The following CASZ1 variants were observed in gnomAD, a reference collection of about 807,000 sequenced individuals.
The protein encoded by CASZ1 is zinc finger protein castor homolog 1.
A neutral mutation model predicts 135.2 loss-of-function variants in CASZ1; 28 were observed. The observed-to-expected ratio is 0.21, with a 90% CI of 0.15 to 0.28. The LOEUF (loss-of-function observed/expected upper bound fraction) is 0.28. Among genes scored for constraint, CASZ1 ranks in the 10% least tolerant of loss-of-function variants. The pLI, the probability that CASZ1 is intolerant of heterozygous loss-of-function variation, is 1.00. For synonymous variants in CASZ1, 1,068 were observed against 1,073.4 expected, an observed-to-expected ratio of 0.99 and a Z score of 0.10; for missense variants, 2,161 against 2,453.3, an observed-to-expected ratio of 0.88 and a Z score of 2.52.
intron 2 of CASZ1, among the ~76,000 whole-genome samples, chr1:10,754,821 C>T (rs573512310): frequency 1.3e-5 from 2 of 152,334 alleles, no homozygotes; most frequent in South Asian, 4.1e-4. Context: ...AATATTGAGT[C>T]ACAACGGCCC....
In CASZ1 at chr1:10,696,925, G is replaced by A. The variant is rs142214030; in HGVS notation, c.-23-3013C>T. ...CCACCCAGTAACTCGGGGGGTCTCA[G>A]GCAGACAAAGGCTACAGAGGAATGG... On this transcript the variant is annotated intron_variant, in intron 3 of 20. Transcript: ENST00000377022. 6.0e-3 allele frequency among the ~76,000 whole-genome samples: 915 copies of A among 152,320 alleles called. 3 individuals are homozygous for A. The highest frequency in any genetic ancestry group is 8.9e-3 in the Non-Finnish European group (605 of 68,028).
At position 10,707,946 on chromosome 1, in the gene CASZ1, G is replaced by A. The variant is rs1022001193; in HGVS notation, c.-76-2402C>T. ...ACACTCAGCGGGGCTGAAGTGAAGT[G>A]AACTCTTCCAGGCTAAGAAAGAAAA... is the stretch of plus-strand genomic sequence containing the variant. On this transcript the variant is annotated intron_variant, in intron 2 of 20. Coordinates refer to ENST00000377022, the MANE Select transcript of CASZ1 (RefSeq NM_001079843.3). The surrounding 1 kb of genome is among the most constrained non-coding windows in gnomAD (Gnocchi z 5.0). Among the ~76,000 whole-genome samples the A allele has an allele frequency of 2.6e-5, 4 of 152,156 alleles. No homozygotes were observed. Among genetic ancestry groups the A allele is most frequent in the Non-Finnish European group, 5.9e-5 (4 of 68,024 alleles).
At chr1:10,744,181 C>T (rs1639993084) in intron 2 of CASZ1, among the ~76,000 whole-genome samples, 1 of 151,082 alleles carries the variant, frequency 6.6e-6, no homozygotes, top group East Asian at 2.0e-4. Context: ...GCTGCTGTGG[C>T]TTTTAGGACA....
At chr1:10,715,687 CAGCACCCAATCCACACCCCAG>C (rs1639370107) in intron 2 of CASZ1, among the ~76,000 whole-genome samples, 9 of 138,194 alleles carry the variant, frequency 6.5e-5, no homozygotes, top group Non-Finnish European at 1.1e-4. Context: ...CCGCTCCCTG[CAGCACCCAATCCACACCCCAG>C]AGCACCCAAT....
Position 10,657,600 on chromosome 1 carries a change from G to A in CASZ1, c.1410-864C>T, listed in dbSNP as rs1044756652. Among the ~76,000 whole-genome samples, 4 of 152,150 alleles carry A rather than the reference G, an allele frequency of 2.6e-5. No homozygotes were observed. Among genetic ancestry groups the A allele is most frequent in the Admixed American group, 6.5e-5 (1 of 15,284 alleles). On this transcript the variant is annotated intron_variant, in intron 7 of 20. Coordinates refer to ENST00000377022, the MANE Select transcript of CASZ1 (RefSeq NM_001079843.3). The surrounding 1 kb of genome is among the most constrained non-coding windows in gnomAD (Gnocchi z 5.7). The stretch of plus-strand genomic sequence containing the variant: ...AATACCACAGAGGAGACAGCACGGG[G>A]CAGAGCTGAAGACAGAGTGGGACAG...
intron 1 of CASZ1, among the ~76,000 whole-genome samples, chr1:10,781,390 A>G (rs1016079177): frequency 1.3e-5 from 2 of 152,204 alleles, no homozygotes; most frequent in South Asian, 4.1e-4. Flanking sequence ...CCCGTCTGCG[A>G]GGAGAAGCCA....
chr1:10,659,998 G>A lies in CASZ1; in HGVS notation c.1044C>T (p.His348=). The change falls in exon 6 of 21, where the codon CAC becomes CAT. Residue 348 remains histidine, a synonymous_variant. Coordinates refer to ENST00000377022, the MANE Select transcript of CASZ1 (RefSeq NM_001079843.3). ...KYDLENVKYL[H]LFKPGEGSPD... ...GGCTGCCCTCCCCGGGTTTGAAGAG[G>A]TGCAGGTACTTGACATTCTCCAGGT... 1 of 1,614,008 alleles carries A rather than the reference G, an allele frequency of 6.2e-7. No individual in the cohort carries two copies. The highest frequency in any genetic ancestry group is 8.5e-7 in the Non-Finnish European group (1 of 1,180,010).
rs954182192 is a variant in CASZ1 at position 10,757,180 on chromosome 1, G to A, written c.-77+3521C>T. Among the ~76,000 whole-genome samples, 55 of 152,164 alleles carry A rather than the reference G, an allele frequency of 3.6e-4. No individual in the cohort carries two copies. The highest frequency in any genetic ancestry group is 1.2e-3 in the African/African-American group (51 of 41,432). On this transcript the variant is annotated intron_variant, in intron 2 of 20. Transcript: ENST00000377022. The surrounding 1 kb of genome is among the most constrained non-coding windows in gnomAD (Gnocchi z 4.6). Reference sequence around the variant, plus strand: ...GCACTTCTCCCCTAATGCATGAGACGTTAACCCTCTCAAAGCCATGGGTCT... The same window carrying A: ...GCACTTCTCCCCTAATGCATGAGACATTAACCCTCTCAAAGCCATGGGTCT...
Position 10,792,219 on chromosome 1 carries a change from G to GTT in CASZ1, c.-234+4343_-234+4344dup, listed in dbSNP as rs34902302. Reference sequence around the variant, plus strand: ...ATTTCCTATAGCAGGGGTGGAGTCAGTTTTTTTTTTTTTTAAGTGTGCTCT... The same window carrying GTT: ...ATTTCCTATAGCAGGGGTGGAGTCAGTTTTTTTTTTTTTTTTAAGTGTGCTCT... On this transcript the variant is annotated intron_variant, in intron 1 of 20. Transcript: ENST00000377022. Among the ~76,000 whole-genome samples the GTT allele has an allele frequency of 5.5e-4, 69 of 126,136 alleles. 1 individual carries two copies. Among genetic ancestry groups the GTT allele is most frequent in the African/African-American group, 1.1e-3 (37 of 33,862 alleles). 82.8% of individuals were successfully genotyped at this position (126,136 alleles called of 152,430 possible). A position where few individuals can be genotyped will look rare whatever the true frequency, so the allele number is the denominator to read the frequency against.
Position 10,722,417 on chromosome 1 carries a change from G to A in CASZ1, c.-76-16873C>T, listed in dbSNP as rs542190251. On this transcript the variant is annotated intron_variant, in intron 2 of 20. Transcript: ENST00000377022. Reference sequence around the variant, plus strand: ...CCTAAAGCAGCCTTCCGTCCCACACGGGCCAGCGAACAAGGGGAGCCTACA... The same window carrying A: ...CCTAAAGCAGCCTTCCGTCCCACACAGGCCAGCGAACAAGGGGAGCCTACA... Among the ~76,000 whole-genome samples the A allele has an allele frequency of 1.3e-4, 20 of 152,364 alleles. No individual in the cohort carries two copies. The South Asian group carries it at 3.7e-3, about 28-fold the overall frequency.
chr1:10,650,214 A>G (rs1233005631), intron 13 of CASZ1: 1 of 152,276 alleles, frequency 6.6e-6, no homozygotes, highest in Non-Finnish European at 1.5e-5. Flanking sequence ...GAGATGATGT[A>G]TAATTTACAA....
chr1:10,742,773 C>T (rs1317577777), intron 2 of CASZ1, among the ~76,000 whole-genome samples: 1 of 152,094 alleles, frequency 6.6e-6, no homozygotes, highest in Non-Finnish European at 1.5e-5. Flanking sequence ...CACTTGAGGT[C>T]AGGAGTTCAA....
intron 4 of CASZ1, among the ~76,000 whole-genome samples, chr1:10,675,102 G>A (rs1200169935): frequency 1.3e-5 from 2 of 152,058 alleles, no homozygotes; most frequent in Non-Finnish European, 2.9e-5. Context: ...TATTACACCC[G>A]AGTCACTCCC....
rs1293995178 is a variant in CASZ1 at position 10,637,498 on chromosome 1, G to C, written c.*1444C>G. On this transcript the variant is annotated 3_prime_UTR_variant, in exon 21 of 21. Transcript: ENST00000377022. Reference sequence around the variant, plus strand: ...GTTCCTCCTGGAGACCTCTGGGGAGGAGGCTTCTGGATGACAGCCTCCCCG... The same window carrying C: ...GTTCCTCCTGGAGACCTCTGGGGAGCAGGCTTCTGGATGACAGCCTCCCCG... The C allele has an allele frequency of 2.6e-5, 4 of 152,342 alleles. No individual in the cohort carries two copies. Among genetic ancestry groups the C allele is most frequent in the African/African-American group, 9.7e-5 (4 of 41,446 alleles). 9.4% of individuals were successfully genotyped at this position (152,342 alleles called of 1,614,324 possible).
In CASZ1 at chr1:10,694,435, C is replaced by T. The variant is rs2100413032; in HGVS notation, c.-23-523G>A. 2.3e-6 allele frequency: 1 copy of T among 434,850 alleles called. No homozygotes were observed. The highest frequency in any genetic ancestry group is 1.5e-4 in the East Asian group (1 of 6,826). The allele number at this position is 434,850 out of a possible 1,614,324, so 26.9% of individuals were successfully genotyped here. On this transcript the variant is annotated intron_variant, in intron 3 of 20. Transcript: ENST00000377022. The surrounding 1 kb of genome is among the most constrained non-coding windows in gnomAD (Gnocchi z 6.6). ...GATGTCATTGCTCCTGCCGGTAACA[C>T]TCAGGGTAACAGTTTGGCAGGAGGG...
rs35951654 is a variant in CASZ1 at position 10,731,104 on chromosome 1, T to TA, written c.-76-25561dup. 7.0e-3 allele frequency among the ~76,000 whole-genome samples: 1,042 copies of TA among 149,278 alleles called. 10 individuals are homozygous for TA. The highest frequency in any genetic ancestry group is 0.021 in the African/African-American group (859 of 40,620). On this transcript the variant is annotated intron_variant, in intron 2 of 20. Transcript: ENST00000377022. ...TTGGGCGACAGAGCTAGACTCCGTC[T>TA]AAAAAAAAAAATCATATAATGAAAT...
intron 5 of CASZ1, among the ~76,000 whole-genome samples, chr1:10,662,389 ACACC>A (rs1643073254): frequency 6.6e-6 from 1 of 151,866 alleles, no homozygotes; most frequent in Non-Finnish European, 1.5e-5. Flanking sequence ...TCACACCCAC[ACACC>A]CAATCACGTG....
intron 4 of CASZ1, among the ~76,000 whole-genome samples, chr1:10,684,546 T>C (rs1047280786): frequency 6.6e-6 from 1 of 152,132 alleles, no homozygotes; most frequent in African/African-American, 2.4e-5. Flanking sequence ...GGTGGGACCA[T>C]GTCAAGTAGC....
intron 1 of CASZ1, among the ~76,000 whole-genome samples, chr1:10,770,559 G>A (rs1038419441): frequency 2.6e-5 from 4 of 152,068 alleles, no homozygotes; most frequent in Non-Finnish European, 4.4e-5. Flanking sequence ...CCCTAGCTGC[G>A]GGGTGGTGAA....
Sources: allele counts gnomAD v4.1 joint callset (sites outside exome capture counted in the v4.1 genomes callset), GRCh38; gene constraint gnomAD v4.1.1; non-coding constraint Gnocchi (gnomAD v3.1); transcripts MANE v1.5; gene names NCBI Gene and HGNC (gene_info 2026-07-23, HGNC 2026-07-21).